NCOR2: variants seen among roughly 807,000 people sequenced by gnomAD.
The protein encoded by NCOR2 is CTG repeat protein 26.
NCOR2 carries 81 observed loss-of-function variants against 262.9 expected under a neutral mutation model. The observed-to-expected ratio is 0.31, with a 90% confidence interval of 0.26 to 0.37. NCOR2 has a LOEUF of 0.37. Among genes scored for constraint, NCOR2 ranks in the 10% least tolerant of loss-of-function variants. NCOR2 has a pLI of 1.00. For missense variants in NCOR2, 3,385 were observed against 3,621.4 expected (o/e 0.93, Z 1.68); for synonymous variants, 1,659 against 1,559.3 (o/e 1.06, Z -1.51).
chr12:124,498,184 GC>G (rs1350146065), upstream of NCOR2, among the ~76,000 whole-genome samples: 2 of 152,196 alleles, frequency 1.3e-5, no homozygotes, highest in East Asian at 3.9e-4. Flanking sequence ...GCACAAGGTG[GC>G]CGAGAGGTCT....
At chr12:124,525,421 T>A (rs1252982753) in intron 1 of NCOR2, among the ~76,000 whole-genome samples, 3 of 152,176 alleles carry the variant, frequency 2.0e-5, no homozygotes, top group African/African-American at 7.2e-5. Flanking sequence ...CCTTGCAAAA[T>A]CGTGTTTGTT....
chr12:124,340,650 C>T lies in NCOR2; in HGVS notation c.5290G>A (p.Ala1764Thr), dbSNP rs375289860. Reference sequence around the variant, plus strand: ...TGGCGGCTGCTGAAGGGCTGGGGCGCGGTGGGGAGGTAGGCAAGGCGGTCC... The same window carrying T: ...TGGCGGCTGCTGAAGGGCTGGGGCGTGGTGGGGAGGTAGGCAAGGCGGTCC... The change falls in exon 35 of 47, where the codon GCG becomes ACG. Residue 1764 changes from alanine to threonine, a missense_variant. Transcript: ENST00000405201. 314 of 1,497,796 alleles carry T rather than the reference C, an allele frequency of 2.1e-4. No homozygotes were observed. In the East Asian group the frequency reaches 6.1e-3, roughly 29 times the overall value. The allele number at this position is 1,497,796 out of a possible 1,614,324, so 92.8% of individuals were successfully genotyped here.
intron 13 of NCOR2, among the ~76,000 whole-genome samples, chr12:124,412,033 C>T (rs1231485872): frequency 6.6e-6 from 1 of 152,200 alleles, no homozygotes; most frequent in South Asian, 2.1e-4. Context: ...AACAAGAAGG[C>T]AATCCCACCA....
chr12:124,464,592 G>C (rs773148644), intron 5 of NCOR2, among the ~76,000 whole-genome samples: 3 of 152,182 alleles, frequency 2.0e-5, no homozygotes, highest in Non-Finnish European at 4.4e-5. Context: ...AATGCACAAG[G>C]TAAACAAACA....
At chr12:124,557,877 G>C (rs1416104974) in intron 1 of NCOR2, among the ~76,000 whole-genome samples, 1 of 152,076 alleles carries the variant, frequency 6.6e-6, no homozygotes, top group African/African-American at 2.4e-5. Flanking sequence ...CAAGCCCCCA[G>C]GACCCAGGAA....
rs1260779192 is a variant in NCOR2, at chr12:124,495,037, T to A, written c.105+110A>T. Reference sequence around the variant, plus strand: ...CGGCCTCCCCTCTGCCCTGGGAGGCTCAGAGCCACATGAGCCTGGCTCCCA... The same window carrying A: ...CGGCCTCCCCTCTGCCCTGGGAGGCACAGAGCCACATGAGCCTGGCTCCCA... On this transcript the variant is annotated intron_variant, in intron 1 of 46. Coordinates refer to ENST00000405201, the Ensembl canonical transcript of NCOR2. The surrounding 1 kb of genome is among the most constrained non-coding windows in gnomAD (Gnocchi z 4.4). 1.4e-6 allele frequency: 2 copies of A among 1,401,592 alleles called. No individual in the cohort carries two copies. The highest frequency in any genetic ancestry group is 5.1e-5 in the East Asian group (2 of 39,338). The allele number at this position is 1,401,592 out of a possible 1,614,324, so 86.8% of individuals were successfully genotyped here. A position where few individuals can be genotyped will look rare whatever the true frequency, so the allele number is the denominator to read the frequency against.
intron 1 of NCOR2, among the ~76,000 whole-genome samples, chr12:124,520,780 G>A (rs966233337): frequency 2.0e-5 from 3 of 152,250 alleles, no homozygotes; most frequent in Middle Eastern, 3.4e-3. Flanking sequence ...GCCTTCGACG[G>A]CGACCACCCC....
chr12:124,411,655 C>T (rs2042593290), intron 13 of NCOR2, among the ~76,000 whole-genome samples: 1 of 152,260 alleles, frequency 6.6e-6, no homozygotes, highest in Non-Finnish European at 1.5e-5. Context: ...TTTTGCAATT[C>T]ACTAGGATAA....
intron 1 of NCOR2, among the ~76,000 whole-genome samples, chr12:124,487,835 C>T (rs377387831): frequency 6.7e-6 from 1 of 149,630 alleles, no homozygotes. Flanking sequence ...ATACCAATTG[C>T]CAAGTACACC....
chr12:124,362,919 C>T (rs1199464349), intron 21 of NCOR2, among the ~76,000 whole-genome samples: 1 of 151,220 alleles, frequency 6.6e-6, no homozygotes, highest in Non-Finnish European at 1.5e-5. Flanking sequence ...AGGGGGAACC[C>T]ACCTCCCCAG....
intron 40 of NCOR2, chr12:124,334,870 G>A (rs779099234): frequency 2.1e-4 from 127 of 616,890 alleles, no homozygotes; most frequent in Non-Finnish European, 3.2e-4. Flanking sequence ...AGAAACCTGG[G>A]CCACCAGGAA....
chr12:124,502,595 G>A (rs76678639), intron 1 of NCOR2, among the ~76,000 whole-genome samples: 3,556 of 152,270 alleles, frequency 0.023, 132 homozygotes, highest in African/African-American at 0.081. Context: ...TGTGAGGACA[G>A]CAGGGAGGCC....
Position 124,425,122 on chromosome 12 carries a change from C to T in NCOR2, c.1328+1500G>A, listed in dbSNP as rs2043457910. 3.3e-5 allele frequency among the ~76,000 whole-genome samples: 5 copies of T among 152,214 alleles called. No individual in the cohort carries two copies. The South Asian group carries it at 1.0e-3, about 31-fold the overall frequency. The stretch of plus-strand genomic sequence containing the variant: ...AGGCGTGGTGGCTCACGCCTATAAT[C>T]TCAGCACTTTGGGAGGCCGAGACGG... On this transcript the variant is annotated intron_variant, in intron 11 of 46. Coordinates refer to ENST00000405201, the Ensembl canonical transcript of NCOR2.
At chr12:124,331,043 A>AG in intron 43 of NCOR2, 145 bp from the exon 46 acceptor site, 1 of 708,578 alleles carries the variant, frequency 1.4e-6, no homozygotes, top group Non-Finnish European at 2.3e-6. Context: ...GGCCTGGGAC[A>AG]GGGCCAAGCG....
chr12:124,397,188 C>T (rs1253233203), intron 16 of NCOR2, among the ~76,000 whole-genome samples: 2 of 152,232 alleles, frequency 1.3e-5, no homozygotes, highest in African/African-American at 2.4e-5. Context: ...CCGGCCTCAG[C>T]AGTGCTGCCA....
At position 124,504,842 on chromosome 12, in the gene NCOR2, C is replaced by G. The variant is rs2048958011; in HGVS notation, c.-117-9474G>C. Among the ~76,000 whole-genome samples the G allele has an allele frequency of 6.6e-6, 1 of 152,154 alleles. No homozygotes were observed. The highest frequency in any genetic ancestry group is 1.5e-5 in the Non-Finnish European group (1 of 68,028). On this transcript the variant is annotated intron_variant, in intron 1 of 46. Transcript: ENST00000404621. This position sits in a 1 kb window ranked among gnomAD's most constrained non-coding sequence, Gnocchi z 4.5. ...GGAGGGGCAGATTCCCAGGACAGAA[C>G]AAAGGCCCGAGGCTGCCAGGGGTTG...
chr12:124,464,604 A>G (rs1185072771), intron 5 of NCOR2, among the ~76,000 whole-genome samples: 4 of 152,238 alleles, frequency 2.6e-5, no homozygotes, highest in Non-Finnish European at 4.4e-5. Flanking sequence ...AAACAAACAC[A>G]AGAAGAAATG....
chr12:124,325,717 G>A (rs1455592167), intron 46 of NCOR2, 134 bp from the exon 49 acceptor site: 27 of 533,450 alleles, frequency 5.1e-5, no homozygotes, highest in African/African-American at 9.8e-5. Flanking sequence ...TTCTAATTGC[G>A]AACAGGTCTC....
At chr12:124,339,253 T>A (rs1415505553) in intron 37 of NCOR2, among the ~76,000 whole-genome samples, 4 of 81,664 alleles carry the variant, frequency 4.9e-5, no homozygotes, top group Non-Finnish European at 2.3e-5. Context: ...AAGCCAGTCA[T>A]CTATCCTCTC....
Sources: gnomAD v4.1 joint callset for allele counts (sites outside exome capture counted in the v4.1 genomes callset) on GRCh38, gnomAD v4.1.1 for gene constraint, Gnocchi (gnomAD v3.1) non-coding constraint, MANE v1.5 for transcripts, NCBI Gene and HGNC (gene_info 2026-07-23, HGNC 2026-07-21) for gene names.